PRIM2: variants seen among roughly 807,000 people sequenced by gnomAD.
PRIM2 encodes DNA primase subunit 2.
A neutral mutation model predicts 67.3 loss-of-function variants in PRIM2; 39 were observed. That is an observed-to-expected ratio of 0.58 (90% CI 0.45 to 0.76). The LOEUF is 0.76. Ranked by LOEUF, PRIM2 falls within the 30% of genes least tolerant of loss-of-function variation. The pLI, the probability that PRIM2 is intolerant of heterozygous loss-of-function variation, is 0.00. For synonymous variants in PRIM2, 143 were observed against 198.7 expected, an observed-to-expected ratio of 0.72 and a Z score of 2.36; for missense variants, 398 against 598.7, an observed-to-expected ratio of 0.66 and a Z score of 3.50.
rs1199962171 is a variant in PRIM2 at position 57,540,293 on chromosome 6, C to CGA, written c.1020+2685_1020+2686dup. 3.4e-3 allele frequency among the ~76,000 whole-genome samples: 501 copies of CGA among 148,918 alleles called. 5 individuals are homozygous for CGA. Among genetic ancestry groups the CGA allele is most frequent in the East Asian group, 0.018 (94 of 5,086 alleles). ...TACACACACTCACACACACACACAG[C>CGA]GAGAGAGAGAGAGAGAGATGGGGGT... is the stretch of plus-strand genomic sequence containing the variant. On this transcript the variant is annotated intron_variant, in intron 10 of 13. Transcript: ENST00000615550.
intron 5 of PRIM2, among the ~76,000 whole-genome samples, chr6:57,377,469 C>G (rs2127330904): frequency 6.7e-6 from 1 of 149,442 alleles, no homozygotes; most frequent in South Asian, 2.1e-4. Context: ...TTATATCTTT[C>G]TGGAAGGGTT....
At chr6:57,440,217 C>T (rs1772159926) in intron 7 of PRIM2, among the ~76,000 whole-genome samples, 2 of 150,040 alleles carry the variant, frequency 1.3e-5, no homozygotes, top group Admixed American at 1.3e-4. Flanking sequence ...TTCCTTTTTT[C>T]CCCCAGACAC....
intron 8 of PRIM2, among the ~76,000 whole-genome samples, chr6:57,528,196 T>C (rs1182665076): frequency 4.5e-4 from 67 of 150,418 alleles, no homozygotes; most frequent in African/African-American, 1.6e-3. Context: ...CTCTAACTCC[T>C]GGGCTCAAGC....
intron 12 of PRIM2, among the ~76,000 whole-genome samples, chr6:57,618,587 G>T (rs1301960036): frequency 2.6e-5 from 4 of 152,168 alleles, no homozygotes; most frequent in African/African-American, 9.7e-5. Context: ...TGTTGTGGGG[G>T]GCATGGTGGG....
intron 7 of PRIM2, among the ~76,000 whole-genome samples, chr6:57,396,867 G>A (rs1471547075): frequency 6.6e-6 from 1 of 152,092 alleles, no homozygotes; most frequent in African/African-American, 2.4e-5. Context: ...CTTGGTAATG[G>A]TGAATTCTCT....
At chr6:57,298,253 C>T in the PRIM2 span, among the ~76,000 whole-genome samples, 7 of 151,860 alleles carry the variant, frequency 4.6e-5, no homozygotes, top group South Asian at 4.2e-4. Context: ...CCCAGCTACT[C>T]GGGAGGCTCA....
intron 7 of PRIM2, among the ~76,000 whole-genome samples, chr6:57,448,298 A>G (rs1772428771): frequency 6.6e-6 from 1 of 152,162 alleles, no homozygotes; most frequent in Non-Finnish European, 1.5e-5. Flanking sequence ...TGAAAATGGA[A>G]TATTCCTTTA....
chr6:57,538,994 G>A (rs1292324565), intron 10 of PRIM2, among the ~76,000 whole-genome samples: 4 of 152,058 alleles, frequency 2.6e-5, no homozygotes, highest in African/African-American at 7.2e-5. Context: ...AATTCAGCTC[G>A]TGTGTGTAGC....
At chr6:57,608,292 G>T (rs1776597276) in intron 12 of PRIM2, among the ~76,000 whole-genome samples, 5 of 152,140 alleles carry the variant, frequency 3.3e-5, no homozygotes, top group Admixed American at 3.3e-4. Flanking sequence ...TCTTTTCATG[G>T]AGAGAACTAA....
chr6:57,619,279 C>T (rs1776809549), intron 12 of PRIM2, among the ~76,000 whole-genome samples: 1 of 152,130 alleles, frequency 6.6e-6, no homozygotes, highest in Admixed American at 6.6e-5. Context: ...GCATTCAGCC[C>T]TAGACCTTCC....
chr6:57,417,757 G>A (rs74851553), intron 7 of PRIM2, among the ~76,000 whole-genome samples: 3 of 152,122 alleles, frequency 2.0e-5, no homozygotes, highest in Admixed American at 6.5e-5. Flanking sequence ...AAAATGTGAC[G>A]CAGAAACACG....
At chr6:57,545,293 A>G (rs1247337687) in intron 10 of PRIM2, among the ~76,000 whole-genome samples, 3 of 152,068 alleles carry the variant, frequency 2.0e-5, no homozygotes, top group Admixed American at 2.0e-4. Context: ...AGATACATAC[A>G]TATGTACATA....
chr6:57,539,298 C>T (rs1393826034), intron 10 of PRIM2, among the ~76,000 whole-genome samples: 5 of 152,084 alleles, frequency 3.3e-5, no homozygotes, highest in Non-Finnish European at 7.4e-5. Flanking sequence ...GTCTACAGAA[C>T]TAAACACCAC....
At chr6:57,551,170 CT>C (rs1775392753) in intron 10 of PRIM2, among the ~76,000 whole-genome samples, 1 of 152,158 alleles carries the variant, frequency 6.6e-6, no homozygotes, top group African/African-American at 2.4e-5. Flanking sequence ...GTGCATTACT[CT>C]TTATAGTAAG....
chr6:57,610,887 C>A (rs1776655025), intron 12 of PRIM2, among the ~76,000 whole-genome samples: 1 of 152,074 alleles, frequency 6.6e-6, no homozygotes, highest in Non-Finnish European at 1.5e-5. Flanking sequence ...GAACATGTTA[C>A]CCAACAACAG....
chr6:57,223,640 A>G, the PRIM2 span, among the ~76,000 whole-genome samples: 1 of 152,176 alleles, frequency 6.6e-6, no homozygotes, highest in African/African-American at 2.4e-5. Context: ...AAAAAAAACA[A>G]TTAAAAAGTT....
chr6:57,311,223 C>T (rs1163354799), upstream of PRIM2, among the ~76,000 whole-genome samples: 19 of 145,098 alleles, frequency 1.3e-4, no homozygotes, highest in South Asian at 2.2e-4. Context: ...CGGGCAGAGG[C>T]GCTCCTCACC....
At chr6:57,387,585 A>C (rs1304459638) in intron 7 of PRIM2, among the ~76,000 whole-genome samples, 1 of 152,098 alleles carries the variant, frequency 6.6e-6, no homozygotes, top group East Asian at 1.9e-4. Flanking sequence ...TAGGTCTTCA[A>C]ACTCTGATAA....
intron 10 of PRIM2, 46 bp from the exon 11 acceptor site, chr6:57,601,047 T>C: frequency 6.5e-7 from 1 of 1,543,492 alleles, no homozygotes; most frequent in Non-Finnish European, 8.8e-7. Flanking sequence ...CTCACTAGTA[T>C]AATTATTGGC....
Sources: gnomAD v4.1 joint callset for allele counts (sites outside exome capture counted in the v4.1 genomes callset) on GRCh38, gnomAD v4.1.1 for gene constraint, MANE v1.5 for transcripts, NCBI Gene and HGNC (gene_info 2026-07-23, HGNC 2026-07-21) for gene names.